CACNA2D1: variants seen among roughly 807,000 people sequenced by gnomAD.
The protein encoded by CACNA2D1 is calcium voltage-gated channel auxiliary subunit alpha2delta 1, also known as voltage-dependent calcium channel subunit alpha-2/delta-1.
CACNA2D1 carries 53 observed loss-of-function variants against 171.5 expected under a neutral mutation model. The observed-to-expected ratio is 0.31, with a 90% confidence interval of 0.25 to 0.39. The LOEUF (loss-of-function observed/expected upper bound fraction) is 0.39. CACNA2D1 is among the 10% of genes least tolerant of loss of function. The probability of loss-of-function intolerance (pLI) is 1.00; values close to 1 mark genes in which losing one functional copy is unlikely to be tolerated. For synonymous variants in CACNA2D1, 442 were observed against 443.1 expected, an observed-to-expected ratio of 1.00 and a Z score of 0.03; for missense variants, 903 against 1,299.8, an observed-to-expected ratio of 0.69 and a Z score of 4.69.
At chr7:82,269,353 T>A (rs532690430) in intron 3 of CACNA2D1, among the ~76,000 whole-genome samples, 76 of 152,320 alleles carry the variant, frequency 5.0e-4, no homozygotes, top group African/African-American at 1.7e-3. Flanking sequence ...TGCCCACTCT[T>A]AAGTGTAAAG....
chr7:82,040,396 A>C (rs907904412), intron 10 of CACNA2D1, among the ~76,000 whole-genome samples: 11 of 149,630 alleles, frequency 7.4e-5, no homozygotes, highest in African/African-American at 2.5e-4. Context: ...ACATGTCAAG[A>C]AATGATAACA....
chr7:81,982,441 T>C (rs1796538224), intron 24 of CACNA2D1, 126 bp downstream of exon 24: 1 of 695,936 alleles, frequency 1.4e-6, no homozygotes, highest in Non-Finnish European at 2.6e-6. Flanking sequence ...AGTTTTAAAG[T>C]AATTATTTCC....
intron 3 of CACNA2D1, among the ~76,000 whole-genome samples, chr7:82,319,317 T>A (rs1421121996): frequency 1.3e-5 from 2 of 152,186 alleles, no homozygotes; most frequent in Non-Finnish European, 2.9e-5. Flanking sequence ...ATACAATTTT[T>A]GAATCAAAAT....
In CACNA2D1 at chr7:81,974,564, AC is replaced by A. The variant is rs1562804097; in HGVS notation, c.1956-13del. On this transcript the variant is annotated splice_polypyrimidine_tract_variant and intron_variant, in intron 24 of 38. Coordinates refer to ENST00000356860, the MANE Select transcript of CACNA2D1 (RefSeq NM_000722.4). Reference sequence around the variant, plus strand: ...CATTGCAGTAATCTCTGAAAAAAAAACATTTTGAGATATTAGATATTAAAAT... The same window carrying A: ...CATTGCAGTAATCTCTGAAAAAAAAAATTTTGAGATATTAGATATTAAAAT... 11 of 1,316,682 alleles carry A rather than the reference AC, an allele frequency of 8.4e-6. No homozygotes were observed. The highest frequency in any genetic ancestry group is 2.3e-5 in the East Asian group (1 of 42,878). The allele number at this position is 1,316,682 out of a possible 1,614,324, so 81.6% of individuals were successfully genotyped here. A position where few individuals can be genotyped will look rare whatever the true frequency, so the allele number is the denominator to read the frequency against.
chr7:82,279,222 T>C (rs1281781471), intron 3 of CACNA2D1, among the ~76,000 whole-genome samples: 1 of 152,258 alleles, frequency 6.6e-6, no homozygotes, highest in Non-Finnish European at 1.5e-5. Context: ...GAATATGTTC[T>C]GCAAAAGTAT....
chr7:82,412,578 C>T (rs547114930), intron 1 of CACNA2D1, among the ~76,000 whole-genome samples: 4 of 151,970 alleles, frequency 2.6e-5, no homozygotes, highest in African/African-American at 4.8e-5. Flanking sequence ...CCACTGTGCC[C>T]GGCCTAGTGC....
intron 15 of CACNA2D1, among the ~76,000 whole-genome samples, chr7:82,011,080 A>G (rs1247066104): frequency 6.6e-6 from 1 of 152,100 alleles, no homozygotes; most frequent in African/African-American, 2.4e-5. Flanking sequence ...CTTTGGCCCT[A>G]TTGACATTTT....
chr7:81,966,511 T>C (rs528893247), intron 31 of CACNA2D1, among the ~76,000 whole-genome samples: 7 of 151,562 alleles, frequency 4.6e-5, no homozygotes, highest in African/African-American at 1.4e-4. Flanking sequence ...CCTGCTTCCC[T>C]TGGAGATATA....
At chr7:82,277,065 C>T (rs2129362994) in intron 3 of CACNA2D1, among the ~76,000 whole-genome samples, 1 of 152,038 alleles carries the variant, frequency 6.6e-6, no homozygotes, top group East Asian at 2.0e-4. Flanking sequence ...CTTTTTTTAA[C>T]ATCACTTTAT....
At chr7:82,188,454 C>T (rs1797981700) in intron 3 of CACNA2D1, among the ~76,000 whole-genome samples, 1 of 151,920 alleles carries the variant, frequency 6.6e-6, no homozygotes, top group Non-Finnish European at 1.5e-5. Flanking sequence ...AAGAATCTGT[C>T]TAAATAAATC....
intron 7 of CACNA2D1, among the ~76,000 whole-genome samples, chr7:82,076,247 G>A (rs1182533751): frequency 6.6e-6 from 1 of 152,060 alleles, no homozygotes; most frequent in Non-Finnish European, 1.5e-5. Flanking sequence ...ATCCTTTTGT[G>A]TATGTGTAAA....
intron 1 of CACNA2D1, among the ~76,000 whole-genome samples, chr7:82,383,065 T>C (rs1490561935): frequency 6.6e-6 from 1 of 152,188 alleles, no homozygotes; most frequent in Non-Finnish European, 1.5e-5. Flanking sequence ...TTTTATCTAG[T>C]AACCTAAAAG....
Position 82,007,693 on chromosome 7 carries a change from T to C in CACNA2D1, c.1426A>G (p.Lys476Glu). The C allele has an allele frequency of 6.4e-7, 1 of 1,574,228 alleles. No homozygotes were observed. Among genetic ancestry groups the C allele is most frequent in the Non-Finnish European group, 8.7e-7 (1 of 1,144,228 alleles). The change falls in exon 16 of 39, where the codon AAG (lysine) becomes GAG (glutamate). Residue 476 changes from lysine (K) to glutamate (E), a missense_variant. Coordinates refer to ENST00000356860, the MANE Select transcript of CACNA2D1 (RefSeq NM_000722.4). ...TAACTTTTAACCTTTAAGTTTGTCTTATTTTCAAATTGGCCGGTTATGTTG... is the reference window on the plus strand; with the variant it reads ...TAACTTTTAACCTTTAAGTTTGTCTCATTTTCAAATTGGCCGGTTATGTTG... ...VFNITGQFENKTNLKNQLILG... is the reference protein window; with the variant it reads ...VFNITGQFENETNLKNQLILG...
intron 3 of CACNA2D1, among the ~76,000 whole-genome samples, chr7:82,222,494 C>T (rs1212622025): frequency 2.6e-5 from 4 of 152,070 alleles, no homozygotes; most frequent in Non-Finnish European, 5.9e-5. Context: ...TTCTTAAGAC[C>T]AAGAGTATTG....
chr7:82,004,383 T>C (rs1798914643), intron 18 of CACNA2D1, among the ~76,000 whole-genome samples: 1 of 152,006 alleles, frequency 6.6e-6, no homozygotes, highest in Admixed American at 6.6e-5. Flanking sequence ...GAATTTGATA[T>C]GGAAATACGT....
Position 82,012,094 on chromosome 7 carries a change from T to C in CACNA2D1, c.1362+60A>G, listed in dbSNP as rs956218374. 9 of 1,015,990 alleles carry C rather than the reference T, an allele frequency of 8.9e-6. No individual in the cohort carries two copies. In the East Asian group the frequency reaches 1.7e-4, roughly 19 times the overall value. 62.9% of individuals were successfully genotyped at this position (1,015,990 alleles called of 1,614,324 possible). ...AACAGAGACATCATCTAGAAAGAAG[T>C]AGAAATCATCTGTGTGCTTTTGTTA... On this transcript the variant is annotated intron_variant, in intron 15 of 38. Transcript: ENST00000356860.
chr7:82,075,610 A>G (rs1173420405), intron 7 of CACNA2D1, among the ~76,000 whole-genome samples: 1 of 152,228 alleles, frequency 6.6e-6, no homozygotes, highest in Non-Finnish European at 1.5e-5. Context: ...TGACATTGCT[A>G]AAAACATAAA....
At chr7:82,374,444 T>G (rs1021593205) in intron 1 of CACNA2D1, among the ~76,000 whole-genome samples, 1 of 152,238 alleles carries the variant, frequency 6.6e-6, no homozygotes, top group Admixed American at 6.5e-5. Flanking sequence ...AATGTACAAA[T>G]GGATCAAGAC....
intron 1 of CACNA2D1, among the ~76,000 whole-genome samples, chr7:82,398,582 C>CT (rs145399408): frequency 0.028 from 4,023 of 144,484 alleles, 178 homozygotes; most frequent in African/African-American, 0.09. Flanking sequence ...TTTCTTTCTC[C>CT]TTTTTTTTTT....
Sources: allele counts gnomAD v4.1 joint callset (sites outside exome capture counted in the v4.1 genomes callset), GRCh38; gene constraint gnomAD v4.1.1; transcripts MANE v1.5; gene names NCBI Gene and HGNC (gene_info 2026-07-23, HGNC 2026-07-21).